The following WWOX variants were observed in gnomAD, a reference collection of about 807,000 sequenced individuals.
WWOX encodes the protein WW domain containing oxidoreductase.
In WWOX, 69 loss-of-function variants were observed where a neutral mutation model predicts 46.2. That is an observed-to-expected ratio of 1.49 (90% CI 1.23 to 1.82). The LOEUF is 1.82. WWOX is among the 40% of genes most tolerant of loss of function. The pLI is 0.00. For synonymous variants in WWOX, 359 were observed against 202.6 expected (o/e 1.77, Z -6.56); for missense variants, 919 against 542.6 (o/e 1.69, Z -6.89).
intron 8 of WWOX, among the ~76,000 whole-genome samples, chr16:78,574,696 CACAG>C (rs1364780981): frequency 2.6e-5 from 4 of 151,570 alleles, no homozygotes; most frequent in African/African-American, 9.7e-5. Flanking sequence ...ATAAGCCAGA[CACAG>C]ACAGACAAAG....
intron 8 of WWOX, among the ~76,000 whole-genome samples, chr16:79,045,580 C>T (rs989517868): frequency 2.0e-5 from 3 of 152,030 alleles, no homozygotes; most frequent in Non-Finnish European, 4.4e-5. Flanking sequence ...AATTTAAAGC[C>T]TCAAAACAAT....
chr16:78,336,846 G>A (rs1417967405), intron 5 of WWOX, among the ~76,000 whole-genome samples: 3 of 152,106 alleles, frequency 2.0e-5, no homozygotes, highest in Non-Finnish European at 4.4e-5. Context: ...AGGATGGAGT[G>A]CAGTGGTGCA....
chr16:78,324,407 C>G (rs1210878004), intron 5 of WWOX, among the ~76,000 whole-genome samples: 7 of 152,018 alleles, frequency 4.6e-5, no homozygotes, highest in Admixed American at 3.9e-4. Flanking sequence ...GTCAAGAGTT[C>G]CCATATGACC....
intron 8 of WWOX, among the ~76,000 whole-genome samples, chr16:79,008,267 G>C (rs563857939): frequency 6.6e-6 from 1 of 152,284 alleles, no homozygotes; most frequent in Admixed American, 6.5e-5. Context: ...AAGACTGAAG[G>C]AGGCTCCCCC....
intron 8 of WWOX, among the ~76,000 whole-genome samples, chr16:78,559,771 A>G (rs1369035434): frequency 2.6e-5 from 4 of 152,212 alleles, no homozygotes; most frequent in Non-Finnish European, 2.9e-5. Context: ...GTGTGAATGT[A>G]TTGCAGAAAT....
intron 8 of WWOX, among the ~76,000 whole-genome samples, chr16:78,831,599 G>C (rs563837417): frequency 1.3e-5 from 2 of 152,346 alleles, no homozygotes; most frequent in South Asian, 2.1e-4. Flanking sequence ...TTGGGTGCAA[G>C]TCCTTAGGTG....
intron 8 of WWOX, among the ~76,000 whole-genome samples, chr16:78,961,269 T>C (rs1354288271): frequency 6.6e-6 from 1 of 152,216 alleles, no homozygotes; most frequent in African/African-American, 2.4e-5. Flanking sequence ...TTTTAAAACA[T>C]GATAGTTATA....
chr16:78,937,951 G>C (rs1373053610), intron 8 of WWOX, among the ~76,000 whole-genome samples: 1 of 152,096 alleles, frequency 6.6e-6, no homozygotes, highest in Non-Finnish European at 1.5e-5. Context: ...ATGTGCCAAG[G>C]TCTGTGTTCA....
At chr16:78,797,022 C>G (rs1168325302) in intron 8 of WWOX, among the ~76,000 whole-genome samples, 2 of 151,992 alleles carry the variant, frequency 1.3e-5, no homozygotes, top group African/African-American at 4.8e-5. Context: ...GCCGGGGTTT[C>G]ACCATGTTGG....
intron 8 of WWOX, among the ~76,000 whole-genome samples, chr16:78,651,788 G>T (rs1362911131): frequency 1.3e-5 from 2 of 152,198 alleles, no homozygotes; most frequent in African/African-American, 2.4e-5. Context: ...ACGAGACACT[G>T]TTGGATGGGA....
rs558860849 is a variant in WWOX at position 78,327,132 on chromosome 16, A to C, written c.517-59728A>C. ...CAAGTCCCTAAGTGACCCCACACTG[A>C]AGAATCTGGTGAAGGCCATCCAAGC... On this transcript the variant is annotated intron_variant, in intron 5 of 8. Transcript: ENST00000566780. Among the ~76,000 whole-genome samples the C allele has an allele frequency of 1.4e-4, 21 of 152,298 alleles. 1 individual carries two copies. Among genetic ancestry groups the C allele is most frequent in the Non-Finnish European group, 2.4e-4 (16 of 68,034 alleles).
intron 8 of WWOX, among the ~76,000 whole-genome samples, chr16:79,121,964 A>T (rs9930555): frequency 0.048 from 7,319 of 152,176 alleles, 611 homozygotes; most frequent in African/African-American, 0.17. Context: ...CTTACGTGCT[A>T]CGGATTTAAT....
intron 8 of WWOX, among the ~76,000 whole-genome samples, chr16:79,099,493 T>G (rs561464374): frequency 2.6e-5 from 4 of 152,248 alleles, no homozygotes; most frequent in African/African-American, 9.6e-5. Flanking sequence ...TGTTGTCATA[T>G]GAGGATACAC....
chr16:78,808,852 C>A (rs1597648590), intron 8 of WWOX, among the ~76,000 whole-genome samples: 1 of 152,254 alleles, frequency 6.6e-6, no homozygotes, highest in East Asian at 1.9e-4. Context: ...ACGGCTGCCC[C>A]TCATTTGAAC....
At chr16:79,059,479 C>G (rs945638524) in intron 8 of WWOX, among the ~76,000 whole-genome samples, 1 of 152,126 alleles carries the variant, frequency 6.6e-6, no homozygotes, top group Non-Finnish European at 1.5e-5. Flanking sequence ...GCATCTCAGT[C>G]TTTTTTATTT....
At chr16:78,315,013 C>G (rs1345790341) in intron 5 of WWOX, among the ~76,000 whole-genome samples, 1 of 152,196 alleles carries the variant, frequency 6.6e-6, no homozygotes, top group Non-Finnish European at 1.5e-5. Flanking sequence ...CTGATACTTC[C>G]TCAGCATTTC....
At chr16:79,165,074 C>T (rs1297572451) in intron 8 of WWOX, among the ~76,000 whole-genome samples, 1 of 151,310 alleles carries the variant, frequency 6.6e-6, no homozygotes, top group Non-Finnish European at 1.5e-5. Context: ...TGAAGTATCA[C>T]TTATCCTACG....
chr16:79,134,710 T>C (rs573642417), intron 8 of WWOX, among the ~76,000 whole-genome samples: 2 of 152,176 alleles, frequency 1.3e-5, no homozygotes, highest in African/African-American at 2.4e-5. Flanking sequence ...ATGAAGGGAC[T>C]TGGGGCTCAG....
chr16:78,754,869 C>G (rs1281955134), intron 8 of WWOX, among the ~76,000 whole-genome samples: 1 of 152,150 alleles, frequency 6.6e-6, no homozygotes, highest in Admixed American at 6.6e-5. Context: ...AACTTACTCA[C>G]AGTCTGTGCT....
Sources: gnomAD v4.1 joint callset for allele counts (sites outside exome capture counted in the v4.1 genomes callset) on GRCh38, gnomAD v4.1.1 for gene constraint, MANE v1.5 for transcripts, NCBI Gene and HGNC (gene_info 2026-07-23, HGNC 2026-07-21) for gene names.